HRH1: variants seen among roughly 807,000 people sequenced by gnomAD.
HRH1 encodes the protein histamine H1 receptor.
Under a neutral mutation model 10.3 loss-of-function variants are expected in HRH1, and 6 were observed. The ratio of observed to expected loss-of-function variants is 0.58; its 90% CI spans 0.32 to 1.15. The LOEUF is 1.15. HRH1 is among the 50% of genes most tolerant of loss of function. HRH1 has a pLI of 0.05. For missense variants in HRH1, 514 were observed against 615.3 expected, an observed-to-expected ratio of 0.84 and a Z score of 1.74; for synonymous variants, 242 against 236.7, an observed-to-expected ratio of 1.02 and a Z score of -0.21.
rs936344850 is a variant in HRH1, at chr3:11,241,686, A to T, written c.-35-17317A>T. 4.0e-4 allele frequency among the ~76,000 whole-genome samples: 59 copies of T among 146,128 alleles called. 2 individuals carry two copies. The highest frequency in any genetic ancestry group is 1.4e-4 in the Admixed American group (2 of 14,716). The stretch of plus-strand genomic sequence containing the variant: ...GTCTCTACTGAAAATACAAAAAAAA[A>T]TTAGCTGGGTGTGGTAGCGGGCGCC... On this transcript the variant is annotated intron_variant, in intron 1 of 1. Transcript: ENST00000431010.
At chr3:11,160,555 A>AT (rs34292760) in intron 1 of HRH1, among the ~76,000 whole-genome samples, 37,829 of 152,130 alleles carry the variant, frequency 0.25, 5,962 homozygotes, top group African/African-American at 0.45. Context: ...TACTTAACCA[A>AT]GGTCCTCATC....
chr3:11,223,611 G>A (rs889484235), intron 1 of HRH1, among the ~76,000 whole-genome samples: 2 of 152,200 alleles, frequency 1.3e-5, no homozygotes, highest in African/African-American at 4.8e-5. Context: ...GGGGAGTGTG[G>A]GGCAAAGAGG....
chr3:11,159,465 T>C (rs934498272), intron 1 of HRH1, among the ~76,000 whole-genome samples: 2 of 152,234 alleles, frequency 1.3e-5, no homozygotes, highest in African/African-American at 4.8e-5. Flanking sequence ...TTGTTCTGCA[T>C]CTGCCCAGAT....
rs138581130 is a variant in HRH1 at position 11,216,936 on chromosome 3, C to A, written c.-35-42067C>A. ...TGGTGGCTCATGCCTGTAATCCCAG[C>A]ACTTTGGGAGGCCGAGGCGGGCAGA... On this transcript the variant is annotated intron_variant, in intron 1 of 1. Coordinates refer to ENST00000431010, the MANE Select transcript of HRH1 (RefSeq NM_001098212.2). 3.9e-3 allele frequency among the ~76,000 whole-genome samples: 589 copies of A among 151,906 alleles called. 6 individuals are homozygous for A. Among genetic ancestry groups the A allele is most frequent in the African/African-American group, 0.014 (563 of 41,418 alleles).
At chr3:11,238,035 C>T (rs1939234145) in intron 1 of HRH1, among the ~76,000 whole-genome samples, 1 of 113,722 alleles carries the variant, frequency 8.8e-6, no homozygotes, top group Non-Finnish European at 1.8e-5. Context: ...TTTAATGCTG[C>T]CTTTGTTTGT....
intron 1 of HRH1, among the ~76,000 whole-genome samples, chr3:11,237,817 A>AG (rs1939228260): frequency 6.6e-6 from 1 of 151,564 alleles, no homozygotes; most frequent in South Asian, 2.1e-4. Flanking sequence ...CTGGGATTAC[A>AG]AGCATGCGCC....
At chr3:11,181,690 G>A (rs2125017263) in intron 1 of HRH1, among the ~76,000 whole-genome samples, 1 of 142,386 alleles carries the variant, frequency 7.0e-6, no homozygotes, top group East Asian at 2.1e-4. Context: ...GGAGCGCAGT[G>A]GCGCGATCTT....
At chr3:11,258,645 T>G (rs148586568) in intron 1 of HRH1, among the ~76,000 whole-genome samples, 5 of 152,306 alleles carry the variant, frequency 3.3e-5, no homozygotes, top group African/African-American at 4.8e-5. Context: ...CTTAGACACA[T>G]GAGGATGCAG....
Position 11,261,581 on chromosome 3 carries a change from A to C in HRH1, c.*1080A>C, listed in dbSNP as rs748749922. 2 of 167,078 alleles carry C rather than the reference A, an allele frequency of 1.2e-5. No homozygotes were observed. The highest frequency in any genetic ancestry group is 2.9e-5 in the Non-Finnish European group (2 of 68,126). 10.3% of individuals were successfully genotyped at this position (167,078 alleles called of 1,614,324 possible). ...GCCGGGCATGGTAGCTCAAGCCTAT[A>C]ATCCCAGCATGTTGAGAGGCTGAGG... On this transcript the variant is annotated 3_prime_UTR_variant, in exon 2 of 2. Transcript: ENST00000431010.
chr3:11,142,758 C>CA (rs1337052393), intron 1 of HRH1, among the ~76,000 whole-genome samples: 2 of 151,954 alleles, frequency 1.3e-5, no homozygotes, highest in African/African-American at 4.8e-5. Flanking sequence ...ACCAAAAATA[C>CA]AAAAAATTAG....
chr3:11,259,591 A>T lies in HRH1; in HGVS notation c.554A>T (p.Tyr185Phe). The change falls in exon 2 of 2, where the codon TAT (tyrosine) becomes TTT (phenylalanine). Residue 185 changes from tyrosine to phenylalanine, a missense_variant. Transcript: ENST00000431010. The surrounding 1 kb of genome is among the most constrained non-coding windows in gnomAD (Gnocchi z 4.6). ...RREDKCETDF[Y>F]DVTWFKVMTA... ...GAGGACAAGTGTGAGACAGACTTCT[A>T]TGATGTCACCTGGTTCAAGGTCATG... 6.2e-7 allele frequency: 1 copy of T among 1,614,058 alleles called. No individual in the cohort carries two copies. Among genetic ancestry groups the T allele is most frequent in the Non-Finnish European group, 8.5e-7 (1 of 1,180,002 alleles).
chr3:11,253,722 G>A (rs1286738575), intron 1 of HRH1, among the ~76,000 whole-genome samples: 4 of 152,130 alleles, frequency 2.6e-5, no homozygotes, highest in African/African-American at 4.8e-5. Flanking sequence ...ATGTTCAGCC[G>A]CTGGAACGTT....
intron 1 of HRH1, chr3:11,234,259 T>G: frequency 6.5e-7 from 1 of 1,549,240 alleles, no homozygotes; most frequent in East Asian, 2.3e-5. Flanking sequence ...TTCATTAACT[T>G]GACCCCACCT....
chr3:11,251,472 T>C (rs1419262000), intron 1 of HRH1, among the ~76,000 whole-genome samples: 1 of 152,228 alleles, frequency 6.6e-6, no homozygotes, highest in African/African-American at 2.4e-5. Context: ...ACAACTCACA[T>C]GTTTGCTCAG....
At chr3:11,198,303 T>C (rs991399332) in intron 1 of HRH1, among the ~76,000 whole-genome samples, 1 of 150,974 alleles carries the variant, frequency 6.6e-6, no homozygotes, top group Non-Finnish European at 1.5e-5. Flanking sequence ...CCAGCTTCCA[T>C]CCCCCATCCC....
chr3:11,151,369 C>G (rs1322199642), upstream of HRH1, among the ~76,000 whole-genome samples: 3 of 152,266 alleles, frequency 2.0e-5, no homozygotes, highest in Admixed American at 1.3e-4. Context: ...TACCTTTGAG[C>G]CTCTGAAGCA....
intron 1 of HRH1, among the ~76,000 whole-genome samples, chr3:11,239,939 A>G (rs1309008746): frequency 6.6e-6 from 1 of 152,152 alleles, no homozygotes; most frequent in African/African-American, 2.4e-5. Flanking sequence ...GATATATGAT[A>G]TATCAGATAT....
chr3:11,156,437 C>A (rs756354199), intron 1 of HRH1, among the ~76,000 whole-genome samples: 1 of 152,150 alleles, frequency 6.6e-6, no homozygotes, highest in South Asian at 2.1e-4. Flanking sequence ...TGAGCCTCCT[C>A]CTCTTCGACT....
intron 1 of HRH1, among the ~76,000 whole-genome samples, chr3:11,169,148 G>T (rs913805323): frequency 1.3e-5 from 2 of 152,242 alleles, no homozygotes; most frequent in South Asian, 4.1e-4. Context: ...ATGTGACTCG[G>T]AGCATGTCCC....
Sources: allele counts gnomAD v4.1 joint callset (sites outside exome capture counted in the v4.1 genomes callset), GRCh38; gene constraint gnomAD v4.1.1; non-coding constraint Gnocchi (gnomAD v3.1); transcripts MANE v1.5; gene names NCBI Gene and HGNC (gene_info 2026-07-23, HGNC 2026-07-21).